The following BCORL1 variants were observed in gnomAD, a reference collection of about 807,000 sequenced individuals.
BCORL1 encodes BCL-6 corepressor-like protein 1.
In BCORL1, 7 loss-of-function variants were observed where a neutral mutation model predicts 87.6. That is an observed-to-expected ratio of 0.08 (90% confidence interval 0.05 to 0.15). BCORL1 has a LOEUF of 0.15. Among genes scored for constraint, BCORL1 ranks in the 10% least tolerant of loss-of-function variants. The pLI is 1.00. For missense variants in BCORL1, 1,215 were observed against 1,499.7 expected (o/e 0.81, Z 3.13); for synonymous variants, 591 against 634.4 (o/e 0.93, Z 1.03).
At chrX:129,994,016 A>G (rs1188389138) in intron 1 of BCORL1, among the ~76,000 whole-genome samples, 1 of 111,891 alleles carries the variant, frequency 8.9e-6, no homozygotes, top group African/African-American at 3.2e-5. Context: ...TGAACTCCTG[A>G]CCTCAGGTGA....
chrX:129,999,060 GTT>G (rs10566190), intron 1 of BCORL1, among the ~76,000 whole-genome samples: 983 of 87,333 alleles, frequency 0.011, 17 homozygotes, highest in African/African-American at 0.036. Flanking sequence ...ATTTTTTGTG[GTT>G]TTTTTTTTTT....
rs768515526 is a variant in BCORL1, at chrX:130,052,034, C to T, written c.5075+18C>T. 1 of 1,161,338 alleles carries T rather than the reference C, an allele frequency of 8.6e-7. No individual in the cohort carries two copies. The highest frequency in any genetic ancestry group is 1.2e-6 in the Non-Finnish European group (1 of 867,054). On this transcript the variant is annotated intron_variant, in intron 13 of 13. Coordinates refer to ENST00000540052, the MANE Select transcript of BCORL1 (RefSeq NM_001379451.1). ...TCCCGCGGGTAAGTGTCCGAGAGAT[C>T]CACGGTGACTGAGTGTCAGGATCCT... is the stretch of plus-strand genomic sequence containing the variant.
chrX:130,022,452 T>G (rs1228820615), intron 5 of BCORL1, among the ~76,000 whole-genome samples: 1 of 108,785 alleles, frequency 9.2e-6, no homozygotes, highest in Non-Finnish European at 1.9e-5. Context: ...TTCACCATGT[T>G]GGCCATGCTG....
At chrX:130,021,310 G>A in intron 5 of BCORL1, 160 bp downstream of exon 5, 1 of 753,423 alleles carries the variant, frequency 1.3e-6, no homozygotes, top group African/African-American at 2.3e-5. Context: ...GAAGTCTAAG[G>A]TGAGCGAGCA....
chrX:130,033,718 C>T (rs1026721758), intron 8 of BCORL1, among the ~76,000 whole-genome samples: 2 of 112,135 alleles, frequency 1.8e-5, no homozygotes, highest in Non-Finnish European at 3.8e-5. Context: ...CATGGTGGCT[C>T]ATGCCTGTAA....
intron 8 of BCORL1, among the ~76,000 whole-genome samples, chrX:130,034,221 A>G (rs1204476317): frequency 5.4e-5 from 6 of 111,886 alleles, no homozygotes; most frequent in Non-Finnish European, 1.1e-4. Flanking sequence ...CCCACCGGCT[A>G]CAAACTCATG....
chrX:129,992,821 G>T (rs753296450), intron 1 of BCORL1, among the ~76,000 whole-genome samples: 2 of 111,203 alleles, frequency 1.8e-5, no homozygotes, highest in Non-Finnish European at 3.8e-5. Context: ...GCCTCTCAGT[G>T]TTGGGATTAC....
At chrX:130,054,634 G>T (rs182663970) in intron 13 of BCORL1, among the ~76,000 whole-genome samples, 3 of 111,046 alleles carry the variant, frequency 2.7e-5, no homozygotes, top group Non-Finnish European at 5.7e-5. Flanking sequence ...GCTAGTGGCC[G>T]GGCATGGTGG....
intron 8 of BCORL1, among the ~76,000 whole-genome samples, chrX:130,033,850 C>T (rs184170693): frequency 5.4e-5 from 6 of 110,677 alleles, no homozygotes; most frequent in South Asian, 3.9e-4. Flanking sequence ...GGCATGGTGG[C>T]GCATACCTGT....
upstream of BCORL1, chrX:129,981,780 A>T (rs1353514956): frequency 1.9e-5 from 2 of 106,119 alleles, no homozygotes; most frequent in Admixed American, 2.0e-4. Context: ...AGAAGGGGAT[A>T]CTGGTGGGTA....
At chrX:130,008,317 G>A (rs1168759769) in intron 2 of BCORL1, among the ~76,000 whole-genome samples, 2 of 107,484 alleles carry the variant, frequency 1.9e-5, no homozygotes, top group African/African-American at 6.8e-5. Context: ...AGGCTGGAGT[G>A]CAATGGTGAG....
chrX:130,046,070 C>T (rs1285024430), intron 11 of BCORL1, among the ~76,000 whole-genome samples: 1 of 110,852 alleles, frequency 9.0e-6, no homozygotes, highest in Admixed American at 9.6e-5. Flanking sequence ...TCACTTGAGC[C>T]CAGGAGTTCA....
At chrX:130,008,462 C>T (rs2124418609) in intron 2 of BCORL1, among the ~76,000 whole-genome samples, 1 of 110,483 alleles carries the variant, frequency 9.1e-6, no homozygotes, top group African/African-American at 3.3e-5. Context: ...GGGTTTTCTC[C>T]ATGTTGGTCA....
intron 1 of BCORL1, among the ~76,000 whole-genome samples, chrX:129,998,338 CAG>C (rs1927724870): frequency 1.0e-5 from 1 of 97,648 alleles, no homozygotes; most frequent in African/African-American, 3.9e-5. Flanking sequence ...TGATTTCCAT[CAG>C]AGAGAGGGAG....
At chrX:129,986,240 A>G (rs755884537) in intron 1 of BCORL1, among the ~76,000 whole-genome samples, 1 of 111,690 alleles carries the variant, frequency 9.0e-6, no homozygotes, top group Non-Finnish European at 1.9e-5. Flanking sequence ...ATTTTTAGAA[A>G]AGGCCAATAA....
chrX:130,038,757 C>T (rs1286898311), intron 10 of BCORL1, among the ~76,000 whole-genome samples: 2 of 111,908 alleles, frequency 1.8e-5, no homozygotes, highest in Non-Finnish European at 3.8e-5. Context: ...GCTGGGATTA[C>T]AGGCGTGAGC....
At chrX:130,040,247 T>C (rs1931229201) in intron 11 of BCORL1, among the ~76,000 whole-genome samples, 2 of 112,361 alleles carry the variant, frequency 1.8e-5, no homozygotes, top group East Asian at 5.6e-4. Context: ...ACCCAGACTT[T>C]GGCCCTAGTT....
intron 8 of BCORL1, among the ~76,000 whole-genome samples, chrX:130,031,971 T>C (rs750266428): frequency 1.8e-5 from 2 of 111,181 alleles, no homozygotes; most frequent in Non-Finnish European, 3.8e-5. Context: ...GATTACGTGG[T>C]TCAGACTTGG....
At chrX:130,024,324 A>C (rs1930066304) in intron 6 of BCORL1, among the ~76,000 whole-genome samples, 1 of 111,043 alleles carries the variant, frequency 9.0e-6, no homozygotes, top group African/African-American at 3.3e-5. Flanking sequence ...AACTCTTGGC[A>C]AGTCGGGAGG....
Sources: allele counts gnomAD v4.1 joint callset (sites outside exome capture counted in the v4.1 genomes callset), GRCh38; gene constraint gnomAD v4.1.1; transcripts MANE v1.5; gene names NCBI Gene and HGNC (gene_info 2026-07-23, HGNC 2026-07-21).